DEUP1: variants seen among roughly 807,000 people sequenced by gnomAD.
DEUP1 encodes deuterosome assembly protein 1, also known as coiled-coil domain containing 67.
In DEUP1, 82 loss-of-function variants were observed where a neutral mutation model predicts 87.4. The ratio of observed to expected loss-of-function variants is 0.94; its 90% CI spans 0.78 to 1.13. DEUP1 has a LOEUF of 1.13. Among genes scored for constraint, DEUP1 ranks in the 50% most tolerant of loss-of-function variants. DEUP1 has a pLI of 0.00. For missense variants in DEUP1, 663 were observed against 681.5 expected, an observed-to-expected ratio of 0.97 and a Z score of 0.30; for synonymous variants, 214 against 222.7, an observed-to-expected ratio of 0.96 and a Z score of 0.35.
chr11:93,402,296 C>T (rs116893525), intron 11 of DEUP1, among the ~76,000 whole-genome samples: 1,726 of 151,816 alleles, frequency 0.011, 17 homozygotes, highest in Middle Eastern at 0.024. Context: ...AAATCAAAAC[C>T]GCAATCAGAT....
At chr11:93,346,928 T>G (rs1246558380) in intron 2 of DEUP1, among the ~76,000 whole-genome samples, 1 of 152,220 alleles carries the variant, frequency 6.6e-6, no homozygotes, top group Admixed American at 6.5e-5. Context: ...GTTTACCAGC[T>G]TAAGGAGTTT....
chr11:93,370,967 C>A, intron 6 of DEUP1, 71 bp from the exon 7 acceptor site: 6 of 1,330,164 alleles, frequency 4.5e-6, no homozygotes, highest in South Asian at 4.3e-5. Flanking sequence ...TCTTTTCTAT[C>A]ATTCTTGAAC....
chr11:93,389,126 G>A lies in DEUP1; in HGVS notation c.1041+1G>A, dbSNP rs866222015. ...AAATCATGAAAAAGAATTGAACAAG[G>A]TATGAAAAATAATGAGCTCCATTCT... On this transcript the variant is annotated splice_donor_variant, in intron 9 of 13. Coordinates refer to ENST00000298050, the MANE Select transcript of DEUP1 (RefSeq NM_181645.4). LOFTEE classifies it high-confidence loss of function. 5 of 1,544,216 alleles carry A rather than the reference G, an allele frequency of 3.2e-6. No individual in the cohort carries two copies. In the Admixed American group the frequency reaches 9.0e-5, roughly 28 times the overall value.
At position 93,393,016 on chromosome 11, in the gene DEUP1, CCT is replaced by C. The variant is rs886463335; in HGVS notation, c.1042-1440_1042-1439del. On this transcript the variant is annotated intron_variant, in intron 9 of 13. Coordinates refer to ENST00000298050, the MANE Select transcript of DEUP1 (RefSeq NM_181645.4). ...CCTCCTCCTTCTTTCTCCTCCTCCT[CCT>C]CTGAGCCCTCCTCCTCCTCCTTCTA... 5.7e-5 allele frequency among the ~76,000 whole-genome samples: 7 copies of C among 122,560 alleles called. No homozygotes were observed. The South Asian group carries it at 9.3e-4, about 16-fold the overall frequency. 80.4% of individuals were successfully genotyped at this position (122,560 alleles called of 152,430 possible).
At chr11:93,365,114 A>T (rs973713950) in intron 5 of DEUP1, among the ~76,000 whole-genome samples, 1 of 151,954 alleles carries the variant, frequency 6.6e-6, no homozygotes, top group Non-Finnish European at 1.5e-5. Context: ...CATTTTTCTC[A>T]AGCCCTAAAC....
chr11:93,338,807 C>G (rs2134155858), intron 2 of DEUP1, among the ~76,000 whole-genome samples: 1 of 152,182 alleles, frequency 6.6e-6, no homozygotes, highest in South Asian at 2.1e-4. Flanking sequence ...ATACCAATTT[C>G]AAAAGACTAG....
rs1405441332 is a variant in DEUP1, at chr11:93,408,262, G to C, written c.1358G>C (p.Arg453Thr). Residue 453 changes from arginine to threonine, a missense_variant, in exon 12 of 14, where the codon AGG (arginine) becomes ACG (threonine). Physicochemically the swap from Arg to Thr is moderately conservative, Grantham distance 71. Coordinates refer to ENST00000298050, the MANE Select transcript of DEUP1 (RefSeq NM_181645.4). ...SMDFTNREQSRHTSINKLQYE... is the reference protein window; with the variant it reads ...SMDFTNREQSTHTSINKLQYE... Reference sequence around the variant, plus strand: ...GACTTCACTAACAGGGAACAGTCAAGGCATACATCTATTAATAAACTGCAA... The same window carrying C: ...GACTTCACTAACAGGGAACAGTCAACGCATACATCTATTAATAAACTGCAA... The C allele has an allele frequency of 1.9e-6, 3 of 1,582,778 alleles. No homozygotes were observed. The highest frequency in any genetic ancestry group is 2.3e-5 in the South Asian group (2 of 86,110).
At chr11:93,400,652 A>G (rs905899575) in intron 11 of DEUP1, among the ~76,000 whole-genome samples, 3 of 152,094 alleles carry the variant, frequency 2.0e-5, no homozygotes, top group African/African-American at 7.2e-5. Context: ...AACTTATAAT[A>G]GCCATATTTT....
chr11:93,408,141 G>T (rs1186600482), intron 11 of DEUP1, 90 bp from the exon 12 acceptor site: 3 of 922,028 alleles, frequency 3.3e-6, no homozygotes, highest in African/African-American at 1.7e-5. Flanking sequence ...AAATGAAAGG[G>T]CCTTTCCAGC....
At chr11:93,376,371 T>C (rs1050781379) in intron 7 of DEUP1, among the ~76,000 whole-genome samples, 1 of 152,214 alleles carries the variant, frequency 6.6e-6, no homozygotes, top group African/African-American at 2.4e-5. Flanking sequence ...TTTCCGGGAA[T>C]TTGTCATCTT....
intron 2 of DEUP1, among the ~76,000 whole-genome samples, chr11:93,339,725 A>G (rs565657713): frequency 6.6e-6 from 1 of 152,280 alleles, no homozygotes; most frequent in African/African-American, 2.4e-5. Flanking sequence ...CACCTTACAC[A>G]GTGTCGGAGG....
At chr11:93,398,591 T>C (rs571893012) in intron 11 of DEUP1, among the ~76,000 whole-genome samples, 1 of 152,300 alleles carries the variant, frequency 6.6e-6, no homozygotes, top group South Asian at 2.1e-4. Flanking sequence ...TCTCAATAGC[T>C]CTTTAATTTG....
At chr11:93,430,416 C>CA (rs1948068921) in intron 13 of DEUP1, among the ~76,000 whole-genome samples, 1 of 151,734 alleles carries the variant, frequency 6.6e-6, no homozygotes, top group African/African-American at 2.4e-5. Context: ...GCAGCTATGC[C>CA]AAAAAAGGCC....
At chr11:93,386,478 C>G (rs1946565338) in intron 8 of DEUP1, among the ~76,000 whole-genome samples, 2 of 152,092 alleles carry the variant, frequency 1.3e-5, no homozygotes, top group African/African-American at 2.4e-5. Flanking sequence ...AAGCTAATGC[C>G]AGATCAATGA....
chr11:93,338,101 C>G (rs77403342), intron 2 of DEUP1, among the ~76,000 whole-genome samples: 2 of 151,988 alleles, frequency 1.3e-5, no homozygotes, highest in African/African-American at 4.8e-5. Context: ...GTGATGAGTG[C>G]GTTTGTTCTC....
At chr11:93,386,748 A>G (rs979812229) in intron 8 of DEUP1, among the ~76,000 whole-genome samples, 2 of 152,340 alleles carry the variant, frequency 1.3e-5, no homozygotes, top group East Asian at 1.9e-4. Context: ...TACAAGATGT[A>G]TACTATCATC....
intron 2 of DEUP1, among the ~76,000 whole-genome samples, chr11:93,348,878 G>T (rs574525485): frequency 5.3e-5 from 8 of 152,218 alleles, no homozygotes; most frequent in Middle Eastern, 3.4e-3. Flanking sequence ...TGTATCTGAT[G>T]ATGTATATAT....
At chr11:93,416,567 C>G (rs1223129455) in intron 13 of DEUP1, among the ~76,000 whole-genome samples, 1 of 151,536 alleles carries the variant, frequency 6.6e-6, no homozygotes, top group East Asian at 1.9e-4. Flanking sequence ...AGTCCAGGAC[C>G]AGATGGATTC....
intron 2 of DEUP1, among the ~76,000 whole-genome samples, chr11:93,339,356 C>T (rs1042196068): frequency 1.3e-5 from 2 of 152,134 alleles, no homozygotes; most frequent in African/African-American, 4.8e-5. Context: ...GTGCACTATA[C>T]AATCCATGCA....
Sources: allele counts gnomAD v4.1 joint callset (sites outside exome capture counted in the v4.1 genomes callset), GRCh38; gene constraint gnomAD v4.1.1; transcripts MANE v1.5; gene names NCBI Gene and HGNC (gene_info 2026-07-23, HGNC 2026-07-21).